The following CEP85L variants were observed in gnomAD, a reference collection of about 807,000 sequenced individuals.
The protein encoded by CEP85L is centrosomal protein of 85 kDa-like.
CEP85L carries 60 observed loss-of-function variants against 100.3 expected under a neutral mutation model. The ratio of observed to expected loss-of-function variants is 0.60; its 90% CI spans 0.49 to 0.74. CEP85L has a LOEUF of 0.74. Among genes scored for constraint, CEP85L ranks in the 30% least tolerant of loss-of-function variants. CEP85L has a pLI of 0.00. For synonymous variants in CEP85L, 319 were observed against 322.7 expected (o/e 0.99, Z 0.12); for missense variants, 973 against 936.2 (o/e 1.04, Z -0.51).
At chr6:118,606,554 A>T (rs1772235130) in intron 2 of CEP85L, among the ~76,000 whole-genome samples, 1 of 152,236 alleles carries the variant, frequency 6.6e-6, no homozygotes, top group Non-Finnish European at 1.5e-5. Flanking sequence ...GCTAACTATG[A>T]CATGAACCCT....
At chr6:118,525,649 T>G (rs761796985) in intron 3 of CEP85L, among the ~76,000 whole-genome samples, 13 of 152,222 alleles carry the variant, frequency 8.5e-5, no homozygotes, top group Non-Finnish European at 1.5e-4. Flanking sequence ...GGACAAATTC[T>G]GCTTCACAGT....
chr6:118,602,168 A>C (rs1583147196), intron 2 of CEP85L, among the ~76,000 whole-genome samples: 1 of 152,274 alleles, frequency 6.6e-6, no homozygotes, highest in African/African-American at 2.4e-5. Flanking sequence ...CCTAAGTATG[A>C]GGGTCTCTTG....
At chr6:118,483,627 CTTATAG>C (rs1162716037) in intron 7 of CEP85L, 73 bp downstream of exon 7, 1 of 1,384,942 alleles carries the variant, frequency 7.2e-7, no homozygotes, top group Non-Finnish European at 9.9e-7. Context: ...ATAGATTTAA[CTTATAG>C]TTAGCCAAAT....
upstream of CEP85L, chr6:118,656,739 A>G (rs912842961): frequency 4.6e-5 from 7 of 152,260 alleles, no homozygotes; most frequent in African/African-American, 1.7e-4. Context: ...GATGTCCATC[A>G]TCTTAAAAAT....
intron 6 of CEP85L, among the ~76,000 whole-genome samples, chr6:118,489,271 C>CAACAA (rs1554204829): frequency 7.9e-6 from 1 of 127,378 alleles, no homozygotes; most frequent in Non-Finnish European, 1.6e-5. Context: ...AGCTCTGTCT[C>CAACAA]AAAAAAAAAA....
intron 2 of CEP85L, among the ~76,000 whole-genome samples, chr6:118,622,288 G>A (rs1408735559): frequency 6.6e-6 from 1 of 152,182 alleles, no homozygotes; most frequent in Non-Finnish European, 1.5e-5. Context: ...TCAAATACCA[G>A]GCACTAATCC....
In CEP85L at chr6:118,583,024, T is replaced by C. The variant is rs542423277; in HGVS notation, c.233-16708A>G. ...CCTGAGGTGCATCTGCTAGCTGTTA[T>C]CAATGTGGCAAGTCAGGGCATTTTA... On this transcript the variant is annotated intron_variant, in intron 2 of 12. Coordinates refer to ENST00000368491, the MANE Select transcript of CEP85L (RefSeq NM_001042475.3). Among the ~76,000 whole-genome samples the C allele has an allele frequency of 3.3e-5, 5 of 152,306 alleles. No homozygotes were observed. In the South Asian group the frequency reaches 1.0e-3, roughly 32 times the overall value.
At chr6:118,678,669 T>C (rs981880352) in intron 1 of CEP85L, among the ~76,000 whole-genome samples, 1 of 152,204 alleles carries the variant, frequency 6.6e-6, no homozygotes, top group Non-Finnish European at 1.5e-5. Flanking sequence ...AAACAATTTA[T>C]AAAATAAAAC....
intron 2 of CEP85L, among the ~76,000 whole-genome samples, chr6:118,572,185 GT>G (rs926332702): frequency 1.2e-4 from 17 of 142,580 alleles, no homozygotes; most frequent in African/African-American, 4.4e-4. Context: ...AACACAATGA[GT>G]TTTTTTTCCC....
intron 6 of CEP85L, 124 bp downstream of exon 6, chr6:118,491,562 T>C (rs373212368): frequency 2.1e-6 from 3 of 1,431,088 alleles, no homozygotes; most frequent in Non-Finnish European, 9.1e-7. Flanking sequence ...TACTACAAAA[T>C]TAATCACCTC....
At chr6:118,666,628 G>T (rs1340412347) in intron 1 of CEP85L, among the ~76,000 whole-genome samples, 1 of 152,126 alleles carries the variant, frequency 6.6e-6, no homozygotes, top group Non-Finnish European at 1.5e-5. Flanking sequence ...GAAAGGTCAG[G>T]ATTAGAGCCC....
At chr6:118,606,919 C>CAGAG (rs1583156685) in intron 2 of CEP85L, among the ~76,000 whole-genome samples, 2 of 151,532 alleles carry the variant, frequency 1.3e-5, no homozygotes, top group African/African-American at 4.9e-5. Context: ...ACCGTTTGCA[C>CAGAG]AGAGAGAGAG....
At chr6:118,579,968 T>C (rs1327830152) in intron 2 of CEP85L, among the ~76,000 whole-genome samples, 1 of 152,122 alleles carries the variant, frequency 6.6e-6, no homozygotes, top group Non-Finnish European at 1.5e-5. Context: ...CCCACGTGTG[T>C]AGAACATCAT....
intron 2 of CEP85L, among the ~76,000 whole-genome samples, chr6:118,600,300 G>GGGGGGTGTGTGTGTGTGTGT (rs1562297733): frequency 7.7e-5 from 4 of 52,246 alleles, no homozygotes; most frequent in Admixed American, 2.1e-4. Flanking sequence ...CCTTCCTGGG[G>GGGGGGTGTGTGTGTGTGTGT]GTGTGTGTGT....
At chr6:118,523,563 C>T (rs1247127484) in intron 4 of CEP85L, among the ~76,000 whole-genome samples, 2 of 152,078 alleles carry the variant, frequency 1.3e-5, no homozygotes, top group African/African-American at 2.4e-5. Flanking sequence ...AATGGAGCTT[C>T]CAAATAATGA....
chr6:118,471,635 AAATTTC>A (rs1772960132), intron 10 of CEP85L, among the ~76,000 whole-genome samples: 1 of 152,022 alleles, frequency 6.6e-6, no homozygotes, highest in Non-Finnish European at 1.5e-5. Flanking sequence ...TGTTGCTTTT[AAATTTC>A]ATTTGTCTGC....
chr6:118,687,790 G>A (rs187237058), intron 1 of CEP85L, among the ~76,000 whole-genome samples: 436 of 152,218 alleles, frequency 2.9e-3, no homozygotes, highest in Admixed American at 4.5e-3. Context: ...GCAGACCCAC[G>A]ACTGACTTCC....
chr6:118,707,306 A>C (rs1583277740), intron 1 of CEP85L, among the ~76,000 whole-genome samples: 1 of 148,214 alleles, frequency 6.7e-6, no homozygotes. Flanking sequence ...TCCTCTCACC[A>C]CCTCAGCCTC....
intron 1 of CEP85L, among the ~76,000 whole-genome samples, chr6:118,709,846 T>A (rs1293545180): frequency 6.6e-6 from 1 of 152,158 alleles, no homozygotes; most frequent in Non-Finnish European, 1.5e-5. Context: ...ATCCGAGTAC[T>A]TTTCCTCTGT....
Sources: allele counts gnomAD v4.1 joint callset (sites outside exome capture counted in the v4.1 genomes callset), GRCh38; gene constraint gnomAD v4.1.1; transcripts MANE v1.5; gene names NCBI Gene and HGNC (gene_info 2026-07-23, HGNC 2026-07-21).